CENPP: variants seen among roughly 807,000 people sequenced by gnomAD.
CENPP encodes centromere protein P.
In CENPP, 24 loss-of-function variants were observed where a neutral mutation model predicts 35.6. That is an observed-to-expected ratio of 0.67 (90% CI 0.49 to 0.95). The LOEUF is 0.95. Among genes scored for constraint, CENPP ranks in the 40% least tolerant of loss-of-function variants. The pLI is 0.00. For synonymous variants in CENPP, 120 were observed against 125.5 expected, an observed-to-expected ratio of 0.96 and a Z score of 0.29; for missense variants, 332 against 345.3, an observed-to-expected ratio of 0.96 and a Z score of 0.31.
intron 5 of CENPP, among the ~76,000 whole-genome samples, chr9:92,585,853 G>A (rs908844736): frequency 2.0e-5 from 3 of 152,156 alleles, no homozygotes; most frequent in Non-Finnish European, 2.9e-5. Flanking sequence ...CGGCTGTGAC[G>A]ATAGCAGCCC....
At chr9:92,334,267 C>T (rs1381380273) in intron 2 of CENPP, among the ~76,000 whole-genome samples, 3 of 151,986 alleles carry the variant, frequency 2.0e-5, no homozygotes, top group East Asian at 1.9e-4. Flanking sequence ...ACTACAGGCA[C>T]GCAGTGCCAT....
chr9:92,533,696 A>G (rs1415050305), intron 5 of CENPP, among the ~76,000 whole-genome samples: 1 of 152,092 alleles, frequency 6.6e-6, no homozygotes, highest in Non-Finnish European at 1.5e-5. Flanking sequence ...TCTTTTTCTC[A>G]GAGAATGTTG....
chr9:92,469,409 C>T (rs1845428747), intron 5 of CENPP, among the ~76,000 whole-genome samples: 1 of 152,110 alleles, frequency 6.6e-6, no homozygotes, highest in African/African-American at 2.4e-5. Context: ...TAAGTATGAT[C>T]AGCATGCATG....
intron 5 of CENPP, among the ~76,000 whole-genome samples, chr9:92,506,574 C>T (rs1033352755): frequency 7.2e-5 from 11 of 152,182 alleles, no homozygotes; most frequent in South Asian, 2.1e-4. Flanking sequence ...GGCATTGCAC[C>T]GAATGCCATG....
At chr9:92,344,714 A>AT (rs1275832256) in intron 3 of CENPP, among the ~76,000 whole-genome samples, 1 of 151,020 alleles carries the variant, frequency 6.6e-6, no homozygotes, top group Non-Finnish European at 1.5e-5. Context: ...CGCCTAGCTA[A>AT]TTTTTTGTAT....
chr9:92,396,461 A>G (rs1842893908), intron 5 of CENPP, among the ~76,000 whole-genome samples: 1 of 151,792 alleles, frequency 6.6e-6, no homozygotes, highest in African/African-American at 2.4e-5. Flanking sequence ...AATGATATTG[A>G]ATCTTCTAGA....
chr9:92,597,832 A>G lies in CENPP; in HGVS notation c.565-13482A>G, dbSNP rs550146929. ...TAGGACTTACATTCCAATCTGAAGC[A>G]TTCTCTGTTTTCTCTAGTAATCTTA... On this transcript the variant is annotated intron_variant, in intron 5 of 7. Coordinates refer to ENST00000375587, the MANE Select transcript of CENPP (RefSeq NM_001012267.3). Among the ~76,000 whole-genome samples the G allele has an allele frequency of 1.2e-4, 19 of 152,358 alleles. No homozygotes were observed. The East Asian group carries it at 3.7e-3, about 29-fold the overall frequency.
At position 92,614,131 on chromosome 9, in the gene CENPP, T is replaced by C. The variant is rs79610873; in HGVS notation, c.*982T>C. ...GTCCAGCCCTGTCTGGGCCCTGTGC[T>C]AGGCAATAACTCTTGCAGCCCTGAA... is the stretch of plus-strand genomic sequence containing the variant. On this transcript the variant is annotated 3_prime_UTR_variant, in exon 8 of 8. Transcript: ENST00000375587. 702 of 152,420 alleles carry C rather than the reference T, an allele frequency of 4.6e-3. 4 individuals carry two copies. Among genetic ancestry groups the C allele is most frequent in the African/African-American group, 0.015 (607 of 41,578 alleles). 9.4% of individuals were successfully genotyped at this position (152,420 alleles called of 1,614,324 possible).
chr9:92,473,262 GT>G (rs1262588435), intron 5 of CENPP, among the ~76,000 whole-genome samples: 1 of 152,084 alleles, frequency 6.6e-6, no homozygotes, highest in Non-Finnish European at 1.5e-5. Flanking sequence ...CTGCTCTGCC[GT>G]GGCACATATG....
intron 5 of CENPP, among the ~76,000 whole-genome samples, chr9:92,552,554 G>GT (rs2131330147): frequency 6.6e-6 from 1 of 152,182 alleles, no homozygotes; most frequent in South Asian, 2.1e-4. Flanking sequence ...GAGTAAGGTG[G>GT]TATCACATTG....
intron 5 of CENPP, among the ~76,000 whole-genome samples, chr9:92,411,718 GAA>G (rs1426455795): frequency 8.5e-5 from 13 of 152,180 alleles, no homozygotes; most frequent in Admixed American, 5.9e-4. Flanking sequence ...TCTGAAAAAG[GAA>G]GGGTTTTCAA....
intron 5 of CENPP, chr9:92,515,352 T>G: frequency 8.9e-7 from 1 of 1,117,754 alleles, no homozygotes; most frequent in Non-Finnish European, 1.2e-6. Context: ...AATTCTTGCT[T>G]AAAAAGTTTT....
Position 92,513,472 on chromosome 9 carries a change from A to G in CENPP, c.565-97842A>G, listed in dbSNP as rs566363950. Among the ~76,000 whole-genome samples, 4 of 152,326 alleles carry G rather than the reference A, an allele frequency of 2.6e-5. No individual in the cohort carries two copies. In the East Asian group the frequency reaches 7.7e-4, roughly 29 times the overall value. ...CATTGCCCTAGAGAAATGAACACTTAGGTCCACACAAACATCTGTACGTGG... is the reference window on the plus strand; with the variant it reads ...CATTGCCCTAGAGAAATGAACACTTGGGTCCACACAAACATCTGTACGTGG... On this transcript the variant is annotated intron_variant, in intron 5 of 7. Transcript: ENST00000375587.
chr9:92,509,864 A>G, intron 5 of CENPP: 1 of 1,579,432 alleles, frequency 6.3e-7, no homozygotes, highest in Non-Finnish European at 8.6e-7. Context: ...AAAGATTATA[A>G]GGAAGCATAT....
intron 5 of CENPP, among the ~76,000 whole-genome samples, chr9:92,605,725 G>A (rs1390696735): frequency 2.0e-5 from 3 of 152,142 alleles, no homozygotes; most frequent in Admixed American, 1.3e-4. Flanking sequence ...AAATCTCTGT[G>A]ACTGTGAATT....
rs201096846 is a variant in CENPP at position 92,379,742 on chromosome 9, G to A, written c.468-21G>A. 14 of 1,506,362 alleles carry A rather than the reference G, an allele frequency of 9.3e-6. No individual in the cohort carries two copies. The African/African-American group carries it at 1.4e-4, about 15-fold the overall frequency. The allele number at this position is 1,506,362 out of a possible 1,614,324, so 93.3% of individuals were successfully genotyped here. ...ATCATTTAATGATATTTATTAATCAGAGAATCATTTATTCCTACAGAGCAG... is the reference window on the plus strand; with the variant it reads ...ATCATTTAATGATATTTATTAATCAAAGAATCATTTATTCCTACAGAGCAG... On this transcript the variant is annotated intron_variant, in intron 4 of 7. Coordinates refer to ENST00000375587, the MANE Select transcript of CENPP (RefSeq NM_001012267.3).
intron 5 of CENPP, among the ~76,000 whole-genome samples, chr9:92,420,925 C>A (rs1292324272): frequency 6.6e-6 from 1 of 152,108 alleles, no homozygotes; most frequent in East Asian, 1.9e-4. Flanking sequence ...GGAAGAAGAT[C>A]TCTGGCTAGA....
chr9:92,493,070 G>C (rs1374285420), intron 5 of CENPP, among the ~76,000 whole-genome samples: 1 of 152,206 alleles, frequency 6.6e-6, no homozygotes, highest in Non-Finnish European at 1.5e-5. Context: ...AATGTAGCTG[G>C]AGCTGGAGAA....
intron 5 of CENPP, among the ~76,000 whole-genome samples, chr9:92,434,258 G>T (rs986236585): frequency 6.6e-6 from 1 of 151,804 alleles, no homozygotes; most frequent in African/African-American, 2.4e-5. Context: ...GTGTGGTGGT[G>T]CACACCTGTA....
Sources: gnomAD v4.1 joint callset for allele counts (sites outside exome capture counted in the v4.1 genomes callset) on GRCh38, gnomAD v4.1.1 for gene constraint, MANE v1.5 for transcripts, NCBI Gene and HGNC (gene_info 2026-07-23, HGNC 2026-07-21) for gene names.